MINDY3: variants seen among roughly 807,000 people sequenced by gnomAD.
MINDY3 encodes ubiquitin carboxyl-terminal hydrolase MINDY-3.
MINDY3 carries 38 observed loss-of-function variants against 69.2 expected under a neutral mutation model. The ratio of observed to expected loss-of-function variants is 0.55; its 90% CI spans 0.42 to 0.72. The LOEUF (loss-of-function observed/expected upper bound fraction) is 0.72. Among genes scored for constraint, MINDY3 ranks in the 30% least tolerant of loss-of-function variants. The pLI is 0.00. For missense variants in MINDY3, 522 were observed against 519.0 expected (o/e 1.01, Z -0.06); for synonymous variants, 192 against 180.1 (o/e 1.07, Z -0.53).
chr10:15,819,827 T>C lies in MINDY3; in HGVS notation c.801+1829A>G, dbSNP rs150252297. The stretch of plus-strand genomic sequence containing the variant: ...TAACTGCTAAAACACTACAGCAATA[T>C]GTAAACAGAAGAATACACAGCAGCG... On this transcript the variant is annotated intron_variant, in intron 9 of 14. Transcript: ENST00000277632. Among the ~76,000 whole-genome samples the C allele has an allele frequency of 2.6e-5, 4 of 152,332 alleles. No individual in the cohort carries two copies. The East Asian group carries it at 7.7e-4, about 29-fold the overall frequency.
intron 8 of MINDY3, among the ~76,000 whole-genome samples, chr10:15,832,966 C>A (rs1445763559): frequency 6.6e-6 from 1 of 152,162 alleles, no homozygotes; most frequent in Non-Finnish European, 1.5e-5. Flanking sequence ...GAGAGGCACA[C>A]TGTGGTTACT....
chr10:15,849,354 A>C (rs72781886), intron 1 of MINDY3, among the ~76,000 whole-genome samples: 24,517 of 152,154 alleles, frequency 0.16, 2,479 homozygotes, highest in South Asian at 0.26. Flanking sequence ...GGGCGGCAGG[A>C]AAGATGACAA....
intron 13 of MINDY3, among the ~76,000 whole-genome samples, chr10:15,783,428 T>C (rs1178361170): frequency 6.6e-6 from 1 of 152,182 alleles, no homozygotes; most frequent in African/African-American, 2.4e-5. Context: ...CATGAAAAGA[T>C]CTTTTGTTGG....
rs529039377 is a variant in MINDY3 at position 15,793,723 on chromosome 10, T to C, written c.955+2377A>G. Reference sequence around the variant, plus strand: ...AGAAGTGACTCAAACCATCAAAAGGTTGTTCTCCAAAGAACAAAAACAAGG... The same window carrying C: ...AGAAGTGACTCAAACCATCAAAAGGCTGTTCTCCAAAGAACAAAAACAAGG... On this transcript the variant is annotated intron_variant, in intron 11 of 14. Coordinates refer to ENST00000277632, the MANE Select transcript of MINDY3 (RefSeq NM_024948.4). Among the ~76,000 whole-genome samples the C allele has an allele frequency of 1.2e-4, 19 of 152,152 alleles. No homozygotes were observed. In the South Asian group the frequency reaches 3.7e-3, roughly 30 times the overall value.
chr10:15,789,453 T>C, intron 11 of MINDY3, 134 bp from the exon 12 acceptor site: 1 of 608,126 alleles, frequency 1.6e-6, no homozygotes, highest in Non-Finnish European at 2.9e-6. Context: ...CTTAAGTTTA[T>C]TTTAGGCATA....
At position 15,779,160 on chromosome 10, in the gene MINDY3, C is replaced by A; in HGVS notation, c.1189-19G>T. The stretch of plus-strand genomic sequence containing the variant: ...ACATGACCTGTTGAACAAAATAAAG[C>A]CACCAAGGTCAAGCAACAGTCTTAG... On this transcript the variant is annotated intron_variant, in intron 14 of 14. Transcript: ENST00000277632. 6 of 1,606,174 alleles carry A rather than the reference C, an allele frequency of 3.7e-6. No individual in the cohort carries two copies. The highest frequency in any genetic ancestry group is 5.1e-6 in the Non-Finnish European group (6 of 1,175,730).
Position 15,847,894 on chromosome 10 carries a change from A to G in MINDY3, c.144T>C (p.Gly48=), listed in dbSNP as rs1355759956. The G allele has an allele frequency of 6.2e-7, 1 of 1,614,104 alleles. No individual in the cohort carries two copies. The highest frequency in any genetic ancestry group is 2.2e-5 in the East Asian group (1 of 44,846). ...SEGSALEQFE[G]GPCAVIAPVQ... is the part of the protein sequence containing the mutation. ...CAGGTGCAATAACAGCACAGGGGCCACCTTCAAACTGTTCTAATGCAGATC... is the reference window on the plus strand; with the variant it reads ...CAGGTGCAATAACAGCACAGGGGCCGCCTTCAAACTGTTCTAATGCAGATC... Residue 48 remains glycine (G), a synonymous_variant, in exon 2 of 15, where the codon GGT becomes GGC. Coordinates refer to ENST00000277632, the MANE Select transcript of MINDY3 (RefSeq NM_024948.4).
At chr10:15,837,933 TG>T in intron 5 of MINDY3, 1 of 942,920 alleles carries the variant, frequency 1.1e-6, no homozygotes. Context: ...TCTTCATATT[TG>T]TTTAGGTCAC....
intron 7 of MINDY3, among the ~76,000 whole-genome samples, chr10:15,834,121 T>G (rs1349864980): frequency 6.6e-6 from 1 of 152,028 alleles, no homozygotes; most frequent in African/African-American, 2.4e-5. Flanking sequence ...GTAGGTTAAC[T>G]ATCACTGTTT....
chr10:15,834,158 A>G (rs1832924054), intron 7 of MINDY3, among the ~76,000 whole-genome samples: 1 of 151,982 alleles, frequency 6.6e-6, no homozygotes, highest in South Asian at 2.1e-4. Flanking sequence ...AAATAGCCAT[A>G]AAAAGCTTGA....
chr10:15,794,746 A>G (rs1837678329), intron 11 of MINDY3, among the ~76,000 whole-genome samples: 1 of 152,068 alleles, frequency 6.6e-6, no homozygotes, highest in Non-Finnish European at 1.5e-5. Context: ...CAAGCCTGCT[A>G]CCTCATTAGT....
intron 8 of MINDY3, among the ~76,000 whole-genome samples, chr10:15,827,252 T>C (rs867997555): frequency 4.2e-4 from 60 of 142,774 alleles, no homozygotes; most frequent in South Asian, 6.5e-4. Context: ...CTCATAAATA[T>C]GAAAGCCAGC....
intron 13 of MINDY3, among the ~76,000 whole-genome samples, chr10:15,784,152 C>A (rs1363489770): frequency 6.6e-6 from 1 of 152,146 alleles, no homozygotes; most frequent in Non-Finnish European, 1.5e-5. Context: ...CCTCAATTTC[C>A]TCATTGTCAA....
chr10:15,801,145 G>T (rs1376313279), intron 10 of MINDY3, among the ~76,000 whole-genome samples: 4 of 152,146 alleles, frequency 2.6e-5, no homozygotes, highest in Non-Finnish European at 4.4e-5. Context: ...GCCTGAACAG[G>T]TTTTTAATGT....
At chr10:15,846,911 G>C (rs577684333) in intron 2 of MINDY3, among the ~76,000 whole-genome samples, 59 of 152,098 alleles carry the variant, frequency 3.9e-4, no homozygotes, top group African/African-American at 1.4e-3. Flanking sequence ...TTTTAGTAGA[G>C]ACGGGGTTTC....
chr10:15,848,630 T>C (rs1462285921), intron 1 of MINDY3, among the ~76,000 whole-genome samples: 2 of 42,244 alleles, frequency 4.7e-5, no homozygotes, highest in Non-Finnish European at 7.3e-5. Flanking sequence ...CTAGACTTCA[T>C]CTCAAAAAAA....
chr10:15,859,164 G>C (rs766092027), intron 1 of MINDY3, among the ~76,000 whole-genome samples: 1 of 152,072 alleles, frequency 6.6e-6, no homozygotes, highest in Non-Finnish European at 1.5e-5. Flanking sequence ...AATTTTACCA[G>C]CTCTTAAAAC....
chr10:15,860,099 G>C, intron 1 of MINDY3, 107 bp downstream of exon 1: 4 of 810,112 alleles, frequency 4.9e-6, no homozygotes, highest in Non-Finnish European at 8.2e-6. Context: ...ACGGCGACTG[G>C]GGCAGAGAGC....
At position 15,848,633 on chromosome 10, in the gene MINDY3, C is replaced by CAAAAAAAAAAAAAAAAAA. The variant is rs10719399; in HGVS notation, c.95-708_95-691dup. Among the ~76,000 whole-genome samples the CAAAAAAAAAAAAAAAAAA allele has an allele frequency of 1.2e-3, 57 of 48,804 alleles. 1 individual carries two copies. The highest frequency in any genetic ancestry group is 5.7e-3 in the African/African-American group (41 of 7,164). 32.0% of individuals were successfully genotyped at this position (48,804 alleles called of 152,430 possible). A position where few individuals can be genotyped will look rare whatever the true frequency, so the allele number is the denominator to read the frequency against. On this transcript the variant is annotated intron_variant, in intron 1 of 14. Transcript: ENST00000277632. ...TGGGCCACAGAGCTAGACTTCATCT[C>CAAAAAAAAAAAAAAAAAA]AAAAAAAAAAAAAAAAAAAAAAAAA...
Sources: gnomAD v4.1 joint callset for allele counts (sites outside exome capture counted in the v4.1 genomes callset) on GRCh38, gnomAD v4.1.1 for gene constraint, MANE v1.5 for transcripts, NCBI Gene and HGNC (gene_info 2026-07-23, HGNC 2026-07-21) for gene names.